The following RTN1 variants were observed in gnomAD, a reference collection of about 807,000 sequenced individuals.
RTN1 encodes reticulon 1.
Under a neutral mutation model 65.5 loss-of-function variants are expected in RTN1, and 25 were observed. That is an observed-to-expected ratio of 0.38 (90% CI 0.28 to 0.53). The LOEUF is 0.53. Ranked by LOEUF, RTN1 falls within the 20% of genes least tolerant of loss-of-function variation. The pLI is 0.79. For missense variants in RTN1, 983 were observed against 1,025.4 expected (o/e 0.96, Z 0.57); for synonymous variants, 471 against 447.6 (o/e 1.05, Z -0.66).
chr14:59,627,748 C>T (rs1439080554), intron 3 of RTN1, among the ~76,000 whole-genome samples: 1 of 152,150 alleles, frequency 6.6e-6, no homozygotes, highest in Non-Finnish European at 1.5e-5. Context: ...TCTGCATGTG[C>T]ACTACAGTGT....
chr14:59,757,370 T>A (rs561849976), intron 1 of RTN1, among the ~76,000 whole-genome samples: 3 of 152,292 alleles, frequency 2.0e-5, no homozygotes, highest in Non-Finnish European at 2.9e-5. Flanking sequence ...ATACGTTTCA[T>A]GAGATCTGAT....
intron 3 of RTN1, among the ~76,000 whole-genome samples, chr14:59,661,457 A>C (rs1302901216): frequency 6.6e-6 from 1 of 152,116 alleles, no homozygotes; most frequent in Non-Finnish European, 1.5e-5. Flanking sequence ...AAAAAGGAAA[A>C]TTTGAGGCCA....
chr14:59,816,177 T>C lies in RTN1; in HGVS notation c.241+54213A>G, dbSNP rs901375561. On this transcript the variant is annotated intron_variant, in intron 1 of 8. Coordinates refer to ENST00000267484, the MANE Select transcript of RTN1 (RefSeq NM_021136.3). The surrounding 1 kb of genome is among the most constrained non-coding windows in gnomAD (Gnocchi z 4.3). ...TATCTTTACTGCTACATGCATACTTTTAGAGACTAAAGTATGCACACACAC... is the reference window on the plus strand; with the variant it reads ...TATCTTTACTGCTACATGCATACTTCTAGAGACTAAAGTATGCACACACAC... 6.6e-6 allele frequency among the ~76,000 whole-genome samples: 1 copy of C among 152,132 alleles called. No homozygotes were observed. The highest frequency in any genetic ancestry group is 1.5e-5 in the Non-Finnish European group (1 of 68,026).
At chr14:59,813,132 A>C (rs1886759122) in intron 1 of RTN1, among the ~76,000 whole-genome samples, 1 of 152,218 alleles carries the variant, frequency 6.6e-6, no homozygotes, top group African/African-American at 2.4e-5. Flanking sequence ...GGGACAAAGT[A>C]AGGGCTTTCT....
intron 1 of RTN1, among the ~76,000 whole-genome samples, chr14:59,756,845 T>C (rs1044469600): frequency 7.2e-6 from 1 of 139,734 alleles, no homozygotes; most frequent in Non-Finnish European, 1.5e-5. Flanking sequence ...TTTTTTGTTT[T>C]TTTTTTTTTG....
chr14:59,759,742 T>C (rs1366489238), intron 1 of RTN1, among the ~76,000 whole-genome samples: 1 of 151,816 alleles, frequency 6.6e-6, no homozygotes, highest in Non-Finnish European at 1.5e-5. Context: ...ACAAACACTT[T>C]GCATGGAAAA....
At chr14:59,656,383 T>C (rs1384755288) in intron 3 of RTN1, among the ~76,000 whole-genome samples, 1 of 152,188 alleles carries the variant, frequency 6.6e-6, no homozygotes, top group Non-Finnish European at 1.5e-5. Context: ...AAAAGAAATA[T>C]GGAAGAAAAA....
chr14:59,729,515 T>C (rs1884855614), intron 2 of RTN1, among the ~76,000 whole-genome samples: 1 of 152,192 alleles, frequency 6.6e-6, no homozygotes, highest in Admixed American at 6.5e-5. Context: ...GTACACATAG[T>C]TGTTTGATAT....
chr14:59,724,865 CA>C (rs759541070), intron 3 of RTN1, among the ~76,000 whole-genome samples: 3 of 152,214 alleles, frequency 2.0e-5, no homozygotes, highest in Non-Finnish European at 4.4e-5. Flanking sequence ...TCAGGACCTC[CA>C]GTTCTTGGCT....
intron 1 of RTN1, among the ~76,000 whole-genome samples, chr14:59,828,323 G>A (rs763897371): frequency 6.6e-6 from 1 of 152,224 alleles, no homozygotes; most frequent in Admixed American, 6.5e-5. Context: ...AGAATGGAGA[G>A]AGGAAGAGAG....
At chr14:59,632,948 A>G (rs1315615004) in intron 3 of RTN1, among the ~76,000 whole-genome samples, 1 of 152,024 alleles carries the variant, frequency 6.6e-6, no homozygotes, top group Admixed American at 6.6e-5. Context: ...TACAAAAAAA[A>G]AATTTTTTCC....
At chr14:59,651,122 T>G (rs753632946) in intron 3 of RTN1, among the ~76,000 whole-genome samples, 3 of 152,082 alleles carry the variant, frequency 2.0e-5, no homozygotes, top group Non-Finnish European at 4.4e-5. Context: ...GTCACGTTAC[T>G]CAACTTCAAA....
intron 1 of RTN1, among the ~76,000 whole-genome samples, chr14:59,841,054 T>C (rs1887302247): frequency 6.6e-6 from 1 of 152,236 alleles, no homozygotes; most frequent in South Asian, 2.1e-4. Context: ...TTTCCTCATC[T>C]ATTTAAAAAG....
intron 1 of RTN1, among the ~76,000 whole-genome samples, chr14:59,843,691 T>G (rs964072690): frequency 6.6e-6 from 1 of 152,100 alleles, no homozygotes; most frequent in Non-Finnish European, 1.5e-5. Context: ...TGGGAGAAAT[T>G]TGAGCACAAT....
At chr14:59,667,441 G>C (rs1883403690) in intron 3 of RTN1, among the ~76,000 whole-genome samples, 1 of 152,056 alleles carries the variant, frequency 6.6e-6, no homozygotes, top group Non-Finnish European at 1.5e-5. Context: ...AATCAACTAG[G>C]TATTGATGGA....
At chr14:59,671,340 A>G (rs760549763) in intron 3 of RTN1, among the ~76,000 whole-genome samples, 12 of 152,370 alleles carry the variant, frequency 7.9e-5, no homozygotes, top group Non-Finnish European at 1.6e-4. Context: ...TCTTGAAGAA[A>G]TTCTCCTCAT....
intron 3 of RTN1, among the ~76,000 whole-genome samples, chr14:59,686,836 C>T: frequency 6.6e-6 from 1 of 152,176 alleles, no homozygotes; most frequent in Non-Finnish European, 1.5e-5. Flanking sequence ...CAGACATTTT[C>T]TGAGGCCTGG....
At chr14:59,732,808 G>A (rs1458904391) in intron 2 of RTN1, among the ~76,000 whole-genome samples, 6 of 152,198 alleles carry the variant, frequency 3.9e-5, no homozygotes, top group Admixed American at 2.0e-4. Flanking sequence ...AATCCAGGGA[G>A]CTGAGCAGTG....
chr14:59,604,606 C>T (rs1349578028), intron 5 of RTN1: 2 of 152,290 alleles, frequency 1.3e-5, no homozygotes, highest in African/African-American at 4.8e-5. Context: ...AGGGTCAAGA[C>T]CACATTTTTC....
Sources: gnomAD v4.1 joint callset for allele counts (sites outside exome capture counted in the v4.1 genomes callset) on GRCh38, gnomAD v4.1.1 for gene constraint, Gnocchi (gnomAD v3.1) non-coding constraint, MANE v1.5 for transcripts, NCBI Gene and HGNC (gene_info 2026-07-23, HGNC 2026-07-21) for gene names.